UNC5C: variants seen among roughly 807,000 people sequenced by gnomAD.
UNC5C encodes netrin receptor UNC5C.
UNC5C carries 47 observed loss-of-function variants against 99.8 expected under a neutral mutation model. The observed-to-expected ratio is 0.47, with a 90% CI of 0.37 to 0.60. The LOEUF (loss-of-function observed/expected upper bound fraction) is 0.60. UNC5C is among the 20% of genes least tolerant of loss of function. The probability of loss-of-function intolerance (pLI) is 0.00; values close to 1 mark genes in which losing one functional copy is unlikely to be tolerated. For synonymous variants in UNC5C, 487 were observed against 452.2 expected (o/e 1.08, Z -0.98); for missense variants, 1,062 against 1,165.9 (o/e 0.91, Z 1.30).
chr4:95,495,826 T>A (rs1438653737), intron 1 of UNC5C, among the ~76,000 whole-genome samples: 1 of 151,448 alleles, frequency 6.6e-6, no homozygotes, highest in Non-Finnish European at 1.5e-5. Flanking sequence ...GCAACAACAA[T>A]CTGAAGGGCC....
At chr4:95,191,957 TTCCTCCCCTGCTCACC>T (rs1051655448) in intron 12 of UNC5C, among the ~76,000 whole-genome samples, 1 of 92,546 alleles carries the variant, frequency 1.1e-5, no homozygotes, top group South Asian at 4.6e-4. Context: ...TCTGCTCACC[TTCCTCCCCTGCTCACC>T]TCCTCCCCTC....
At chr4:95,352,497 C>T (rs943990941) in intron 1 of UNC5C, among the ~76,000 whole-genome samples, 6 of 152,084 alleles carry the variant, frequency 3.9e-5, no homozygotes, top group African/African-American at 9.7e-5. Flanking sequence ...CTCAAATTTG[C>T]TTGTTTACTA....
chr4:95,263,755 C>T (rs1205920011), intron 4 of UNC5C, among the ~76,000 whole-genome samples: 1 of 152,190 alleles, frequency 6.6e-6, no homozygotes, highest in African/African-American at 2.4e-5. Context: ...CTAACTTCCT[C>T]ATAAGGTTCT....
At chr4:95,210,472 A>G (rs539269716) in intron 10 of UNC5C, among the ~76,000 whole-genome samples, 3 of 152,352 alleles carry the variant, frequency 2.0e-5, no homozygotes, top group East Asian at 1.9e-4. Context: ...AAAGGAAGCT[A>G]TTAAATCACA....
intron 1 of UNC5C, among the ~76,000 whole-genome samples, chr4:95,393,675 T>C (rs1213593006): frequency 3.3e-5 from 5 of 152,196 alleles, no homozygotes; most frequent in African/African-American, 1.2e-4. Context: ...GATATGAGTG[T>C]TATTTTACCA....
chr4:95,322,769 TCCCTA>T (rs1742737368), intron 2 of UNC5C, among the ~76,000 whole-genome samples: 1 of 151,504 alleles, frequency 6.6e-6, no homozygotes, highest in Non-Finnish European at 1.5e-5. Context: ...TGAAATGCCG[TCCCTA>T]CCAAAAATAC....
chr4:95,335,719 A>C, intron 1 of UNC5C, 88 bp from the exon 2 acceptor site: 1 of 1,051,932 alleles, frequency 9.5e-7, no homozygotes, highest in Non-Finnish European at 1.4e-6. Flanking sequence ...AGTGACTTAT[A>C]AATGCAGTAA....
chr4:95,249,434 C>G (rs1438391468), intron 5 of UNC5C, among the ~76,000 whole-genome samples: 1 of 152,182 alleles, frequency 6.6e-6, no homozygotes, highest in East Asian at 1.9e-4. Flanking sequence ...CTGGAGGTAG[C>G]ATAACCTCTA....
chr4:95,412,213 C>G (rs570115315), intron 1 of UNC5C, among the ~76,000 whole-genome samples: 2 of 152,048 alleles, frequency 1.3e-5, no homozygotes, highest in Non-Finnish European at 2.9e-5. Context: ...TTTTAATGTT[C>G]GTACCTGTTT....
chr4:95,287,760 G>A (rs1327401487), intron 3 of UNC5C, among the ~76,000 whole-genome samples: 1 of 152,176 alleles, frequency 6.6e-6, no homozygotes, highest in Non-Finnish European at 1.5e-5. Flanking sequence ...TATGCAATGT[G>A]CCTGCACAGT....
intron 5 of UNC5C, among the ~76,000 whole-genome samples, chr4:95,246,394 A>G (rs1560751357): frequency 6.6e-6 from 1 of 151,974 alleles, no homozygotes; most frequent in Non-Finnish European, 1.5e-5. Context: ...CTAGCTCCAC[A>G]AAAATTAAAA....
At position 95,206,788 on chromosome 4, in the gene UNC5C, A is replaced by G; in HGVS notation, c.1742T>C (p.Met581Thr). The G allele has an allele frequency of 3.1e-6, 5 of 1,598,786 alleles. No homozygotes were observed. Among genetic ancestry groups the G allele is most frequent in the Non-Finnish European group, 3.4e-6 (4 of 1,172,880 alleles). The change falls in exon 11 of 16, where the codon ATG (methionine) becomes ACG (threonine). Residue 581 changes from methionine (M) to threonine (T), a missense_variant. Physicochemically the swap from Met to Thr is moderately conservative, Grantham distance 81. This residue lies in a region of UNC5C where 810 missense variants were observed against 854.5 expected (regional missense o/e 0.95). Coordinates refer to ENST00000453304, the MANE Select transcript of UNC5C (RefSeq NM_003728.4). ...GGTCAAAAGTGTCTGAGAGTCATCC[A>G]TGGGTGGCCTAGGAGGAGAGCAGAG... ...VHRKETMRPP[M>T]DDSQTLLTPV...
chr4:95,474,463 T>G (rs903462904), intron 1 of UNC5C, among the ~76,000 whole-genome samples: 6 of 152,010 alleles, frequency 3.9e-5, no homozygotes, highest in African/African-American at 1.4e-4. Context: ...TCTAATTTTG[T>G]ATTTTTAGTA....
At chr4:95,509,858 G>T (rs1393176857) in intron 1 of UNC5C, among the ~76,000 whole-genome samples, 2 of 151,822 alleles carry the variant, frequency 1.3e-5, no homozygotes, top group Non-Finnish European at 2.9e-5. Flanking sequence ...TATATAAATT[G>T]TCAGTAGTTT....
intron 2 of UNC5C, among the ~76,000 whole-genome samples, chr4:95,321,172 C>T (rs1405143728): frequency 6.6e-6 from 1 of 152,116 alleles, no homozygotes; most frequent in Admixed American, 6.5e-5. Flanking sequence ...ATTAAAATTA[C>T]ATAGTTCTGC....
intron 7 of UNC5C, among the ~76,000 whole-genome samples, chr4:95,234,568 A>G (rs922842299): frequency 6.6e-6 from 1 of 152,148 alleles, no homozygotes; most frequent in African/African-American, 2.4e-5. Context: ...TGTAGTTTTG[A>G]AAACAATTAA....
At position 95,424,277 on chromosome 4, in the gene UNC5C, T is replaced by C. The variant is rs1194835525; in HGVS notation, c.125-88646A>G. On this transcript the variant is annotated intron_variant, in intron 1 of 15. Coordinates refer to ENST00000453304, the MANE Select transcript of UNC5C (RefSeq NM_003728.4). ...CCCCACCCCTCATTCCAAGTGTATG[T>C]GTGTGTGTACACACGGAAGCCAAAA... 5.3e-5 allele frequency among the ~76,000 whole-genome samples: 8 copies of C among 151,938 alleles called. 1 individual carries two copies. Among genetic ancestry groups the C allele is most frequent in the Admixed American group, 5.2e-4 (8 of 15,258 alleles).
chr4:95,181,247 G>T, intron 14 of UNC5C, among the ~76,000 whole-genome samples: 1 of 152,286 alleles, frequency 6.6e-6, no homozygotes. Flanking sequence ...GACTGACACC[G>T]TGTTGCAAAA....
chr4:95,235,710 A>G (rs1739085522), intron 7 of UNC5C, among the ~76,000 whole-genome samples: 1 of 152,294 alleles, frequency 6.6e-6, no homozygotes, highest in South Asian at 2.1e-4. Flanking sequence ...ATGGCTAGCC[A>G]GTTTTCCCAG....
Sources: allele counts gnomAD v4.1 joint callset (sites outside exome capture counted in the v4.1 genomes callset), GRCh38; gene constraint gnomAD v4.1.1; regional missense constraint gnomAD v4.1.1; transcripts MANE v1.5; gene names NCBI Gene and HGNC (gene_info 2026-07-23, HGNC 2026-07-21).